Variants in ANKFN1 observed in about 807,000 individuals in gnomAD.
ANKFN1 encodes the protein ankyrin repeat and fibronectin type-III domain-containing protein 1.
ANKFN1 carries 74 observed loss-of-function variants against 108.7 expected under a neutral mutation model. The ratio of observed to expected loss-of-function variants is 0.68; its 90% CI spans 0.56 to 0.83. ANKFN1 has a LOEUF of 0.83. ANKFN1 is among the 40% of genes least tolerant of loss of function. The probability of loss-of-function intolerance (pLI) is 0.00; values close to 1 mark genes in which losing one functional copy is unlikely to be tolerated. For synonymous variants in ANKFN1, 547 were observed against 516.2 expected (o/e 1.06, Z -0.81); for missense variants, 1,505 against 1,382.3 (o/e 1.09, Z -1.41).
intron 8 of ANKFN1, among the ~76,000 whole-genome samples, chr17:56,401,477 T>C (rs1212289181): frequency 1.3e-5 from 2 of 152,080 alleles, no homozygotes; most frequent in Non-Finnish European, 1.5e-5. Context: ...TTGATTTGAT[T>C]ATCTGCTTGG....
chr17:56,480,339 T>A (rs1469891811), intron 16 of ANKFN1, among the ~76,000 whole-genome samples: 4 of 152,154 alleles, frequency 2.6e-5, no homozygotes, highest in African/African-American at 9.7e-5. Context: ...GATCTTAGAA[T>A]TTACAGGGGA....
At chr17:56,440,191 C>T (rs2049053073) in intron 8 of ANKFN1, 136 bp from the exon 9 acceptor site, 5 of 448,762 alleles carry the variant, frequency 1.1e-5, no homozygotes, top group South Asian at 4.7e-5. Context: ...TCTGATACAC[C>T]AATATAAAGA....
chr17:56,130,418 A>G (rs1410562925), intron 4 of ANKFN1, among the ~76,000 whole-genome samples: 1 of 152,050 alleles, frequency 6.6e-6, no homozygotes, highest in Non-Finnish European at 1.5e-5. Context: ...TTATTAGGTG[A>G]TTATGGTGAT....
chr17:56,338,399 T>G (rs2045874090), intron 4 of ANKFN1, among the ~76,000 whole-genome samples: 1 of 152,064 alleles, frequency 6.6e-6, no homozygotes, highest in Admixed American at 6.6e-5. Flanking sequence ...CATGTATACC[T>G]ATGTAACAAA....
At chr17:56,493,112 T>C (rs2051093413) in intron 19 of ANKFN1, among the ~76,000 whole-genome samples, 1 of 152,168 alleles carries the variant, frequency 6.6e-6, no homozygotes, top group Non-Finnish European at 1.5e-5. Context: ...AACAACCAGG[T>C]GTCAGACACT....
intron 3 of ANKFN1, among the ~76,000 whole-genome samples, chr17:56,298,653 G>T (rs2044585685): frequency 6.6e-6 from 1 of 151,698 alleles, no homozygotes; most frequent in Admixed American, 6.6e-5. Context: ...GCAAATAGTT[G>T]TTTTTTCCTT....
chr17:56,430,500 C>CCACACACACA (rs60148599), intron 8 of ANKFN1, among the ~76,000 whole-genome samples: 2,072 of 144,156 alleles, frequency 0.014, 35 homozygotes, highest in African/African-American at 0.044. Context: ...GATGCTTTTA[C>CCACACACACA]CACACACACA....
At chr17:56,207,585 T>C (rs1398073302) in intron 1 of ANKFN1, among the ~76,000 whole-genome samples, 2 of 152,200 alleles carry the variant, frequency 1.3e-5, no homozygotes, top group East Asian at 3.9e-4. Context: ...TTCATTCCTA[T>C]TGCAGTGGCA....
At chr17:56,046,959 G>A (rs1340286636) in intron 4 of ANKFN1, among the ~76,000 whole-genome samples, 1 of 152,074 alleles carries the variant, frequency 6.6e-6, no homozygotes, top group African/African-American at 2.4e-5. Flanking sequence ...TTTGAACTAT[G>A]GGAAAGTTTT....
chr17:56,106,806 G>T (rs142305685), intron 4 of ANKFN1, among the ~76,000 whole-genome samples: 1 of 152,070 alleles, frequency 6.6e-6, no homozygotes, highest in African/African-American at 2.4e-5. Context: ...AAGGGAGGGC[G>T]CCTGAGAATG....
chr17:56,266,593 A>G (rs1033780669), intron 3 of ANKFN1, among the ~76,000 whole-genome samples: 3 of 152,110 alleles, frequency 2.0e-5, no homozygotes, highest in African/African-American at 7.2e-5. Flanking sequence ...AGGCTACATG[A>G]CCTTAGTTTG....
intron 4 of ANKFN1, among the ~76,000 whole-genome samples, chr17:56,138,243 T>C (rs1907705757): frequency 6.6e-6 from 1 of 152,174 alleles, no homozygotes; most frequent in Non-Finnish European, 1.5e-5. Flanking sequence ...CCCTATTGGA[T>C]ATATAGCGGG....
intron 20 of ANKFN1, among the ~76,000 whole-genome samples, chr17:56,509,743 A>C (rs2051683962): frequency 6.6e-6 from 1 of 152,252 alleles, no homozygotes; most frequent in African/African-American, 2.4e-5. Flanking sequence ...TCCTACAGTA[A>C]GGAAGAAAAG....
intron 4 of ANKFN1, among the ~76,000 whole-genome samples, chr17:56,102,982 A>G (rs1276617452): frequency 6.6e-6 from 1 of 152,230 alleles, no homozygotes; most frequent in African/African-American, 2.4e-5. Context: ...ATAATTAAAT[A>G]TTACATAAAT....
intron 2 of ANKFN1, among the ~76,000 whole-genome samples, chr17:56,225,378 A>T (rs924295362): frequency 3.2e-4 from 49 of 152,296 alleles, no homozygotes; most frequent in African/African-American, 1.1e-3. Flanking sequence ...ACCAGATGCT[A>T]TTTCAATGCT....
chr17:56,265,961 GCATATT>G (rs1230004558), intron 3 of ANKFN1, among the ~76,000 whole-genome samples: 1 of 152,168 alleles, frequency 6.6e-6, no homozygotes, highest in African/African-American at 2.4e-5. Flanking sequence ...CAGTCAAAGG[GCATATT>G]ATCTGATAGG....
At chr17:56,160,628 T>C (rs1909567472) in intron 1 of ANKFN1, among the ~76,000 whole-genome samples, 1 of 152,218 alleles carries the variant, frequency 6.6e-6, no homozygotes, top group Non-Finnish European at 1.5e-5. Context: ...AGAGCTCTCA[T>C]GTTTTGTCTT....
chr17:56,416,178 C>A (rs768992584), intron 8 of ANKFN1, among the ~76,000 whole-genome samples: 1 of 152,072 alleles, frequency 6.6e-6, no homozygotes, highest in African/African-American at 2.4e-5. Flanking sequence ...TAATATCCCG[C>A]AAGCATAGGC....
At chr17:56,056,118 T>A (rs1475268310) in intron 4 of ANKFN1, among the ~76,000 whole-genome samples, 1 of 151,960 alleles carries the variant, frequency 6.6e-6, no homozygotes, top group Non-Finnish European at 1.5e-5. Flanking sequence ...AGATTCTGGA[T>A]ATATTAGTCC....
Sources: allele counts gnomAD v4.1 joint callset (sites outside exome capture counted in the v4.1 genomes callset), GRCh38; gene constraint gnomAD v4.1.1; transcripts MANE v1.5; gene names NCBI Gene and HGNC (gene_info 2026-07-23, HGNC 2026-07-21).